Variants in FBXL17 observed in about 807,000 individuals in gnomAD.
FBXL17 encodes the protein F-box/LRR-repeat protein 17.
FBXL17 carries 22 observed loss-of-function variants against 66.2 expected under a neutral mutation model. The ratio of observed to expected loss-of-function variants is 0.33; its 90% CI spans 0.24 to 0.47. FBXL17 has a LOEUF of 0.47. Among genes scored for constraint, FBXL17 ranks in the 20% least tolerant of loss-of-function variants. The pLI, the probability that FBXL17 is intolerant of heterozygous loss-of-function variation, is 1.00. For missense variants in FBXL17, 878 were observed against 948.2 expected, an observed-to-expected ratio of 0.93 and a Z score of 0.97; for synonymous variants, 474 against 400.5, an observed-to-expected ratio of 1.18 and a Z score of -2.19.
intron 6 of FBXL17, among the ~76,000 whole-genome samples, chr5:108,134,666 G>T (rs896269611): frequency 3.9e-5 from 6 of 152,104 alleles, no homozygotes; most frequent in Non-Finnish European, 7.4e-5. Context: ...GTAAATATTG[G>T]AAGAAATTTT....
chr5:108,158,262 C>A (rs974637748), intron 6 of FBXL17, among the ~76,000 whole-genome samples: 2 of 152,008 alleles, frequency 1.3e-5, no homozygotes, highest in African/African-American at 4.8e-5. Context: ...AAAGTATATT[C>A]TCATTTACCA....
intron 6 of FBXL17, among the ~76,000 whole-genome samples, chr5:108,167,097 T>A: frequency 6.6e-6 from 1 of 152,186 alleles, no homozygotes; most frequent in East Asian, 1.9e-4. Context: ...TGAATTTGAA[T>A]GCACTTTGTC....
intron 5 of FBXL17, among the ~76,000 whole-genome samples, chr5:108,223,723 C>A (rs917613930): frequency 1.3e-5 from 2 of 152,104 alleles, no homozygotes; most frequent in Non-Finnish European, 2.9e-5. Flanking sequence ...TCTCTTTTCA[C>A]CTTACATATT....
At chr5:108,301,973 T>A (rs1758610716) in intron 4 of FBXL17, 1 of 966,312 alleles carries the variant, frequency 1.0e-6, no homozygotes, top group South Asian at 4.8e-5. Flanking sequence ...ATTTTAAGAA[T>A]ACCTCCTAGT....
chr5:108,252,825 C>T (rs1269818511), intron 4 of FBXL17, among the ~76,000 whole-genome samples: 1 of 152,186 alleles, frequency 6.6e-6, no homozygotes, highest in Non-Finnish European at 1.5e-5. Flanking sequence ...GTAAAAGGTA[C>T]TGCTGCCATT....
At chr5:108,371,029 A>C (rs1264837736) in intron 1 of FBXL17, among the ~76,000 whole-genome samples, 1 of 152,106 alleles carries the variant, frequency 6.6e-6, no homozygotes, top group Non-Finnish European at 1.5e-5. Context: ...AGAAATGCAC[A>C]GGAGGTAAAA....
intron 6 of FBXL17, among the ~76,000 whole-genome samples, chr5:108,078,234 T>C (rs985843315): frequency 2.0e-5 from 3 of 152,190 alleles, no homozygotes; most frequent in African/African-American, 7.2e-5. Flanking sequence ...AAGAGACTGA[T>C]TCAAGAAGAT....
intron 6 of FBXL17, among the ~76,000 whole-genome samples, chr5:108,062,031 A>C (rs1477552478): frequency 1.3e-5 from 2 of 152,236 alleles, no homozygotes; most frequent in African/African-American, 4.8e-5. Flanking sequence ...ACAAATTCTG[A>C]GTATAACAGA....
intron 4 of FBXL17, among the ~76,000 whole-genome samples, chr5:108,285,740 T>C (rs147611006): frequency 7.2e-5 from 11 of 151,788 alleles, no homozygotes; most frequent in Non-Finnish European, 1.3e-4. Context: ...CAGTAAACCA[T>C]GCTATAAGTG....
At chr5:108,036,147 T>C (rs1188559046) in intron 6 of FBXL17, among the ~76,000 whole-genome samples, 1 of 152,316 alleles carries the variant, frequency 6.6e-6, no homozygotes, top group East Asian at 1.9e-4. Flanking sequence ...GCCAGTTTTT[T>C]TTGTTGCTGT....
intron 6 of FBXL17, among the ~76,000 whole-genome samples, chr5:108,184,146 G>A (rs1406106138): frequency 6.6e-6 from 1 of 152,094 alleles, no homozygotes; most frequent in Non-Finnish European, 1.5e-5. Flanking sequence ...AGGCACGGTG[G>A]CTTATGGCTC....
At chr5:108,095,359 C>A (rs1467009908) in intron 6 of FBXL17, among the ~76,000 whole-genome samples, 1 of 151,844 alleles carries the variant, frequency 6.6e-6, no homozygotes, top group Non-Finnish European at 1.5e-5. Flanking sequence ...TAACCTTTAC[C>A]ATACAGGAAG....
intron 6 of FBXL17, among the ~76,000 whole-genome samples, chr5:108,039,040 T>A (rs1746952161): frequency 1.3e-5 from 2 of 152,078 alleles, no homozygotes; most frequent in Non-Finnish European, 2.9e-5. Context: ...TTTAAAATAT[T>A]TTATTTTACA....
chr5:108,165,953 T>G (rs1327442545), intron 6 of FBXL17, among the ~76,000 whole-genome samples: 1 of 152,198 alleles, frequency 6.6e-6, no homozygotes, highest in Non-Finnish European at 1.5e-5. Context: ...AAAATATGAT[T>G]ATTCTTCAGG....
chr5:108,092,004 AAT>A (rs1409955202), intron 6 of FBXL17, among the ~76,000 whole-genome samples: 1 of 152,214 alleles, frequency 6.6e-6, no homozygotes, highest in Non-Finnish European at 1.5e-5. Context: ...TGGTAAACAC[AAT>A]ATCTTTCCTC....
intron 5 of FBXL17, among the ~76,000 whole-genome samples, chr5:108,208,747 T>A (rs1310674174): frequency 6.6e-6 from 1 of 152,244 alleles, no homozygotes; most frequent in Non-Finnish European, 1.5e-5. Flanking sequence ...GGTAGCATGA[T>A]GCCTCCAGCT....
At chr5:107,968,446 A>G (rs1018391399) in intron 7 of FBXL17, among the ~76,000 whole-genome samples, 1 of 152,284 alleles carries the variant, frequency 6.6e-6, no homozygotes, top group East Asian at 1.9e-4. Flanking sequence ...TCTCATTTGT[A>G]AAAGGCAATT....
chr5:108,213,024 G>A (rs1207332246), intron 5 of FBXL17, among the ~76,000 whole-genome samples: 3 of 152,074 alleles, frequency 2.0e-5, no homozygotes, highest in Non-Finnish European at 4.4e-5. Flanking sequence ...CAGAGAAGAG[G>A]AATCTAGAGA....
chr5:108,301,812 TC>T (rs1284972233), intron 4 of FBXL17, among the ~76,000 whole-genome samples: 3 of 151,716 alleles, frequency 2.0e-5, no homozygotes, highest in African/African-American at 7.3e-5. Flanking sequence ...AGCACATTAA[TC>T]CCAAGAATGA....
Sources: allele counts gnomAD v4.1 joint callset (sites outside exome capture counted in the v4.1 genomes callset), GRCh38; gene constraint gnomAD v4.1.1; transcripts MANE v1.5; gene names NCBI Gene and HGNC (gene_info 2026-07-23, HGNC 2026-07-21).